KHDC1: variants seen among roughly 807,000 people sequenced by gnomAD.
KHDC1 encodes the protein KH domain containing 1.
KHDC1 carries 21 observed loss-of-function variants against 24.7 expected under a neutral mutation model. The ratio of observed to expected loss-of-function variants is 0.85; its 90% CI spans 0.60 to 1.23. The LOEUF (loss-of-function observed/expected upper bound fraction) is 1.23. Among genes scored for constraint, KHDC1 ranks in the 50% most tolerant of loss-of-function variants. The pLI is 0.00. For missense variants in KHDC1, 274 were observed against 298.5 expected (o/e 0.92, Z 0.61); for synonymous variants, 98 against 111.7 (o/e 0.88, Z 0.77).
Position 73,272,775 on chromosome 6 carries a change from C to CG in KHDC1, c.206+19222dup, listed in dbSNP as rs545731814. Among the ~76,000 whole-genome samples, 127 of 149,338 alleles carry CG rather than the reference C, an allele frequency of 8.5e-4. 1 individual carries two copies. The highest frequency in any genetic ancestry group is 1.1e-3 in the Admixed American group (16 of 15,020). On this transcript the variant is annotated intron_variant, in intron 2 of 4. Coordinates refer to ENST00000370384, the Ensembl canonical transcript of KHDC1. The stretch of plus-strand genomic sequence containing the variant: ...TGGGTGACAGAGCAAGACTCCATCC[C>CG]GGGGGGGAAAAGAAAAAAACAGGGA...
intron 2 of KHDC1, chr6:73,268,556 G>A (rs994209286): frequency 2.0e-5 from 3 of 152,334 alleles, no homozygotes; most frequent in South Asian, 2.1e-4. Context: ...TTTGGACAGG[G>A]CGCTGAATGG....
chr6:73,271,363 C>A (rs988525356), intron 2 of KHDC1, among the ~76,000 whole-genome samples: 14 of 151,606 alleles, frequency 9.2e-5, no homozygotes, highest in African/African-American at 3.4e-4. Flanking sequence ...GCACCCGTCA[C>A]CACACCTGGC....
At chr6:73,268,987 T>G (rs1055472847) in intron 2 of KHDC1, 1 of 154,338 alleles carries the variant, frequency 6.5e-6, no homozygotes, top group East Asian at 1.9e-4. Context: ...GGCTCAGGCA[T>G]GGCGGGCTGC....
chr6:73,304,827 C>T (rs546369323), intron 1 of KHDC1, among the ~76,000 whole-genome samples: 16 of 152,212 alleles, frequency 1.1e-4, no homozygotes, highest in African/African-American at 3.4e-4. Flanking sequence ...GTCTGGGATG[C>T]GTTTTCTTTG....
At chr6:73,291,180 G>A (rs775291017) in intron 2 of KHDC1, 44 of 484,716 alleles carry the variant, frequency 9.1e-5, no homozygotes, top group Non-Finnish European at 1.7e-4. Flanking sequence ...ACTGAAGATT[G>A]GAGCACTTAG....
chr6:73,246,568 T>C (rs144898733), intron 2 of KHDC1, among the ~76,000 whole-genome samples: 212 of 152,324 alleles, frequency 1.4e-3, no homozygotes, highest in African/African-American at 5.0e-3. Context: ...CATTAAAGTA[T>C]ATTATGAAAG....
chr6:73,251,229 T>C (rs1766772858), intron 2 of KHDC1, among the ~76,000 whole-genome samples: 2 of 152,084 alleles, frequency 1.3e-5, no homozygotes, highest in African/African-American at 4.8e-5. Context: ...AATAAATAAA[T>C]AATGAGAGAA....
At chr6:73,300,425 C>A (rs1210334730) in intron 1 of KHDC1, 1 of 152,214 alleles carries the variant, frequency 6.6e-6, no homozygotes, top group Non-Finnish European at 1.5e-5. Flanking sequence ...ACATCATCCT[C>A]CTCCTCTGCT....
intron 2 of KHDC1, chr6:73,263,144 T>G (rs1367564046): frequency 1.0e-6 from 1 of 988,212 alleles, no homozygotes; most frequent in African/African-American, 1.7e-5. Flanking sequence ...ACCCGACCCT[T>G]CCAGGGGTCC....
intron 2 of KHDC1, among the ~76,000 whole-genome samples, chr6:73,279,625 A>G (rs906467301): frequency 4.0e-5 from 5 of 124,372 alleles, no homozygotes; most frequent in Non-Finnish European, 7.8e-5. Flanking sequence ...GCTGTCACCC[A>G]GGCTGGAGTG....
chr6:73,263,124 T>A, intron 2 of KHDC1: 1 of 996,244 alleles, frequency 1.0e-6, no homozygotes, highest in Non-Finnish European at 1.2e-6. Flanking sequence ...CGGTACCTCC[T>A]GGGCCGCGCA....
chr6:73,260,506 G>A (rs1766961589), intron 2 of KHDC1, among the ~76,000 whole-genome samples: 1 of 152,100 alleles, frequency 6.6e-6, no homozygotes, highest in African/African-American at 2.4e-5. Flanking sequence ...AAAGTTTCCA[G>A]TTAAATATTT....
intron 2 of KHDC1, among the ~76,000 whole-genome samples, chr6:73,283,470 C>G: frequency 6.6e-6 from 1 of 151,984 alleles, no homozygotes; most frequent in East Asian, 1.9e-4. Context: ...AGGCTAGTCT[C>G]AAGTGATCCA....
At chr6:73,281,606 A>C (rs1767410419) in intron 2 of KHDC1, among the ~76,000 whole-genome samples, 1 of 144,492 alleles carries the variant, frequency 6.9e-6, no homozygotes, top group African/African-American at 2.7e-5. Context: ...AGTAAGAGTG[A>C]AACTTCGTCT....
At chr6:73,291,108 C>G in intron 2 of KHDC1, 2 of 489,882 alleles carry the variant, frequency 4.1e-6, no homozygotes, top group Admixed American at 2.2e-5. Flanking sequence ...GCTACTCAAT[C>G]TGAGGTTGCA....
At chr6:73,290,749 T>C (rs60696767) in intron 2 of KHDC1, 5,248 of 354,584 alleles carry the variant, frequency 0.015, 62 homozygotes, top group East Asian at 0.059. Context: ...GATCCAATCA[T>C]CTTCTGCCAC....
At chr6:73,272,467 A>G (rs1020617502) in intron 2 of KHDC1, among the ~76,000 whole-genome samples, 3 of 151,886 alleles carry the variant, frequency 2.0e-5, no homozygotes, top group Non-Finnish European at 4.4e-5. Flanking sequence ...CCTTAGTACA[A>G]TCTCAGAAGG....
At position 73,244,622 on chromosome 6, in the gene KHDC1, CG is replaced by C. The variant is rs374719839; in HGVS notation, c.207-2093del. Among the ~76,000 whole-genome samples the C allele has an allele frequency of 1.1e-3, 156 of 139,132 alleles. 1 individual carries two copies. In the South Asian group the frequency reaches 0.012, roughly 11 times the overall value. 91.3% of individuals were successfully genotyped at this position (139,132 alleles called of 152,430 possible). ...GTCAGTTAGATTTAAAACAATGAAT[CG>C]GGGAGTGGTGACTCATGCCTGTAAT... On this transcript the variant is annotated intron_variant, in intron 2 of 4. Coordinates refer to ENST00000370384, the Ensembl canonical transcript of KHDC1.
chr6:73,306,381 T>G (rs1250787354), intron 1 of KHDC1, among the ~76,000 whole-genome samples: 1 of 152,118 alleles, frequency 6.6e-6, no homozygotes, highest in Non-Finnish European at 1.5e-5. Context: ...TCCCAGCTAT[T>G]TCCCCATCCC....
Sources: gnomAD v4.1 joint callset for allele counts (sites outside exome capture counted in the v4.1 genomes callset) on GRCh38, gnomAD v4.1.1 for gene constraint, MANE v1.5 for transcripts, NCBI Gene and HGNC (gene_info 2026-07-23, HGNC 2026-07-21) for gene names.